The following GRM7 variants were observed in gnomAD, a reference collection of about 807,000 sequenced individuals.
The protein encoded by GRM7 is metabotropic glutamate receptor 7.
GRM7 carries 35 observed loss-of-function variants against 84.5 expected under a neutral mutation model. The observed-to-expected ratio is 0.41, with a 90% CI of 0.32 to 0.55. The LOEUF is 0.55. GRM7 is among the 20% of genes least tolerant of loss of function. The pLI is 0.19. For missense variants in GRM7, 1,003 were observed against 1,194.6 expected (o/e 0.84, Z 2.36); for synonymous variants, 487 against 455.1 (o/e 1.07, Z -0.89).
chr3:7,334,576 A>G (rs1247009984), intron 4 of GRM7, among the ~76,000 whole-genome samples: 1 of 152,204 alleles, frequency 6.6e-6, no homozygotes, highest in Non-Finnish European at 1.5e-5. Flanking sequence ...CTCAATACTA[A>G]CATTGAATGT....
chr3:7,326,317 G>A (rs1358849331), intron 4 of GRM7, among the ~76,000 whole-genome samples: 1 of 152,030 alleles, frequency 6.6e-6, no homozygotes, highest in African/African-American at 2.4e-5. Context: ...TTTGTCTTGA[G>A]AACATCTTAG....
intron 8 of GRM7, among the ~76,000 whole-genome samples, chr3:7,636,815 G>T (rs888757828): frequency 2.6e-5 from 4 of 152,160 alleles, no homozygotes; most frequent in Admixed American, 6.5e-5. Flanking sequence ...ATTCAATGTT[G>T]CATGGTGGCA....
At chr3:7,524,316 A>G (rs2124995554) in intron 7 of GRM7, among the ~76,000 whole-genome samples, 1 of 149,236 alleles carries the variant, frequency 6.7e-6, no homozygotes, top group South Asian at 2.2e-4. Context: ...CTACCATCAG[A>G]GTGAACAGGT....
chr3:7,219,859 A>G (rs1156822337), intron 2 of GRM7, among the ~76,000 whole-genome samples: 4 of 152,204 alleles, frequency 2.6e-5, no homozygotes, highest in African/African-American at 9.6e-5. Context: ...AATATTCAAG[A>G]TGATTCTGGA....
chr3:7,363,471 C>G (rs556276292), intron 4 of GRM7, among the ~76,000 whole-genome samples: 67 of 152,188 alleles, frequency 4.4e-4, no homozygotes, highest in African/African-American at 1.5e-3. Flanking sequence ...TAACCAAAAT[C>G]ATGGTAGACC....
At chr3:7,086,870 C>T (rs1373834155) in intron 1 of GRM7, among the ~76,000 whole-genome samples, 1 of 152,210 alleles carries the variant, frequency 6.6e-6, no homozygotes, top group Non-Finnish European at 1.5e-5. Context: ...AGAGGTCACT[C>T]TCTGGCTGTT....
intron 4 of GRM7, among the ~76,000 whole-genome samples, chr3:7,374,295 C>A (rs1694255139): frequency 6.6e-6 from 1 of 151,726 alleles, no homozygotes; most frequent in Admixed American, 6.6e-5. Flanking sequence ...ATTTTCCCAC[C>A]TCAGTCTCTA....
rs187476289 is a variant in GRM7, at chr3:6,883,040, C to T, written c.519+21133C>T. On this transcript the variant is annotated intron_variant, in intron 1 of 9. Coordinates refer to ENST00000357716, the MANE Select transcript of GRM7 (RefSeq NM_000844.4). ...TACCTTTCTATCAGCAATTTAACAT[C>T]GTGTGTAGATTCTCACACTCTCTAC... Among the ~76,000 whole-genome samples the T allele has an allele frequency of 1.0e-3, 152 of 152,272 alleles. 1 individual carries two copies. Among genetic ancestry groups the T allele is most frequent in the African/African-American group, 3.2e-3 (133 of 41,560 alleles).
chr3:7,546,965 T>G (rs1159073357), intron 7 of GRM7, among the ~76,000 whole-genome samples: 2 of 152,286 alleles, frequency 1.3e-5, no homozygotes, highest in East Asian at 1.9e-4. Context: ...AGCTCTTTTT[T>G]GGGAGGTGGG....
At chr3:7,222,679 G>C (rs1196762387) in intron 2 of GRM7, among the ~76,000 whole-genome samples, 1 of 152,160 alleles carries the variant, frequency 6.6e-6, no homozygotes, top group African/African-American at 2.4e-5. Flanking sequence ...GGTTTTTTAA[G>C]CTTCTAAATT....
chr3:7,486,430 T>C lies in GRM7; in HGVS notation c.1515+24708T>C, dbSNP rs1472268580. Among the ~76,000 whole-genome samples, 2 of 152,160 alleles carry C rather than the reference T, an allele frequency of 1.3e-5. No homozygotes were observed. The highest frequency in any genetic ancestry group is 4.8e-5 in the African/African-American group (2 of 41,440). ...TCTCCAATGTGGCAGTGTTGGGAGA[T>C]GATACCATTGAGAGGCAATTGGGTC... On this transcript the variant is annotated intron_variant, in intron 7 of 9. Transcript: ENST00000357716. The surrounding 1 kb of genome is among the most constrained non-coding windows in gnomAD (Gnocchi z 5.5).
chr3:7,134,413 C>T (rs1248454209), intron 1 of GRM7, among the ~76,000 whole-genome samples: 1 of 145,444 alleles, frequency 6.9e-6, no homozygotes, highest in Admixed American at 6.8e-5. Context: ...TGTCGCCTGG[C>T]AAAATCATCA....
chr3:7,024,650 A>G (rs1201171937), intron 1 of GRM7, among the ~76,000 whole-genome samples: 3 of 152,196 alleles, frequency 2.0e-5, no homozygotes, highest in African/African-American at 7.2e-5. Context: ...ATCGCAGTCT[A>G]GTGTAGCTAT....
intron 4 of GRM7, among the ~76,000 whole-genome samples, chr3:7,399,758 C>T (rs1000387214): frequency 6.6e-6 from 1 of 152,160 alleles, no homozygotes; most frequent in South Asian, 2.1e-4. Flanking sequence ...CATCTTTCCA[C>T]TCCTCCTCCC....
intron 1 of GRM7, among the ~76,000 whole-genome samples, chr3:7,083,164 C>G (rs1698326207): frequency 6.6e-6 from 1 of 152,026 alleles, no homozygotes; most frequent in Non-Finnish European, 1.5e-5. Context: ...GAAAGGAAGA[C>G]TTCACTGTTG....
chr3:7,091,247 A>G (rs542774892), intron 1 of GRM7, among the ~76,000 whole-genome samples: 1 of 152,158 alleles, frequency 6.6e-6, no homozygotes, highest in East Asian at 1.9e-4. Context: ...ATTATATGCT[A>G]GAGCAACCCA....
chr3:6,950,915 T>G (rs1268903071), intron 1 of GRM7, among the ~76,000 whole-genome samples: 1 of 152,194 alleles, frequency 6.6e-6, no homozygotes, highest in African/African-American at 2.4e-5. Flanking sequence ...AAGTGCAGTA[T>G]TAGGGTGAGA....
At chr3:7,291,564 G>A (rs867301646) in intron 2 of GRM7, among the ~76,000 whole-genome samples, 8 of 129,592 alleles carry the variant, frequency 6.2e-5, no homozygotes, top group East Asian at 2.4e-4. Flanking sequence ...CAATCCCTCC[G>A]TCTGTCTATT....
chr3:7,636,214 C>T (rs1275500744), intron 8 of GRM7: 6 of 456,698 alleles, frequency 1.3e-5, no homozygotes, highest in Non-Finnish European at 4.4e-6. Flanking sequence ...ACTTGAGCCT[C>T]AATTTCTTTG....
Sources: allele counts gnomAD v4.1 joint callset (sites outside exome capture counted in the v4.1 genomes callset), GRCh38; gene constraint gnomAD v4.1.1; non-coding constraint Gnocchi (gnomAD v3.1); transcripts MANE v1.5; gene names NCBI Gene and HGNC (gene_info 2026-07-23, HGNC 2026-07-21).